TMEM170B: variants seen among roughly 807,000 people sequenced by gnomAD.
TMEM170B encodes the protein transmembrane protein 170B.
In TMEM170B, 6 loss-of-function variants were observed where a neutral mutation model predicts 13.0. That is an observed-to-expected ratio of 0.46 (90% CI 0.25 to 0.91). TMEM170B has a LOEUF of 0.91. TMEM170B is among the 40% of genes least tolerant of loss of function. The pLI is 0.17. For missense variants in TMEM170B, 138 were observed against 165.2 expected (o/e 0.84, Z 0.90); for synonymous variants, 61 against 64.9 (o/e 0.94, Z 0.29).
chr6:11,552,638 G>T (rs1321284182), intron 1 of TMEM170B, among the ~76,000 whole-genome samples: 1 of 152,184 alleles, frequency 6.6e-6, no homozygotes, highest in East Asian at 1.9e-4. Context: ...ATATTCAGCA[G>T]GTTTGGGGGA....
intron 1 of TMEM170B, 25 bp downstream of exon 1, chr6:11,538,399 A>T (rs771885207): frequency 2.7e-6 from 4 of 1,473,434 alleles, no homozygotes; most frequent in Non-Finnish European, 3.6e-6. Context: ...TGGGCTGGGG[A>T]CGGGGATGCG....
rs1443020956 is a variant in TMEM170B, at chr6:11,577,081, A to G, written c.*1520A>G. 2 of 152,068 alleles carry G rather than the reference A, an allele frequency of 1.3e-5. No homozygotes were observed. The highest frequency in any genetic ancestry group is 2.1e-4 in the South Asian group (1 of 4,830). The allele number at this position is 152,068 out of a possible 1,614,324, so 9.4% of individuals were successfully genotyped here. On this transcript the variant is annotated 3_prime_UTR_variant, in exon 3 of 3. Transcript: ENST00000379426. ...CCTGGTAGCCTTGCTGTTTAATCCAATTTGCTATAAAAGTAGGCCTTTGTT... is the reference window on the plus strand; with the variant it reads ...CCTGGTAGCCTTGCTGTTTAATCCAGTTTGCTATAAAAGTAGGCCTTTGTT...
At chr6:11,574,248 T>G (rs1426109460) in intron 2 of TMEM170B, among the ~76,000 whole-genome samples, 1 of 152,182 alleles carries the variant, frequency 6.6e-6, no homozygotes, top group African/African-American at 2.4e-5. Context: ...ATACATAGTA[T>G]ATGGTAAGTA....
rs1176263460 is a variant in TMEM170B, at chr6:11,583,370, C to G, written c.*7809C>G. 1 of 152,176 alleles carries G rather than the reference C, an allele frequency of 6.6e-6. No homozygotes were observed. The highest frequency in any genetic ancestry group is 1.5e-5 in the Non-Finnish European group (1 of 68,040). The allele number at this position is 152,176 out of a possible 1,614,324, so 9.4% of individuals were successfully genotyped here. ...ATACAGGGTGAACTCTTTACTGATA[C>G]ACACAAGACAACTGTTAAAAAGTGA... On this transcript the variant is annotated 3_prime_UTR_variant, in exon 3 of 3. Transcript: ENST00000379426.
intron 1 of TMEM170B, among the ~76,000 whole-genome samples, chr6:11,540,889 T>G (rs1161178569): frequency 6.6e-6 from 1 of 152,232 alleles, no homozygotes; most frequent in Non-Finnish European, 1.5e-5. Context: ...GAAAACAACA[T>G]TGATCTACTT....
chr6:11,543,812 T>C (rs77321513), intron 1 of TMEM170B, among the ~76,000 whole-genome samples: 7,713 of 152,228 alleles, frequency 0.051, 271 homozygotes, highest in African/African-American at 0.095. Context: ...TTTTTTCCCA[T>C]GTACAAAGAG....
intron 2 of TMEM170B, among the ~76,000 whole-genome samples, chr6:11,569,367 C>T (rs12199315): frequency 0.042 from 6,413 of 152,176 alleles, 179 homozygotes; most frequent in East Asian, 0.16. Flanking sequence ...AGAAGTTATC[C>T]TCCATTCCAT....
Position 11,575,492 on chromosome 6 carries a change from G to A in TMEM170B, c.330G>A (p.Leu110=), listed in dbSNP as rs1561690447. Residue 110 remains leucine (L), a synonymous_variant, in exon 3 of 3, where the codon CTG becomes CTA. Coordinates refer to ENST00000379426, the MANE Select transcript of TMEM170B (RefSeq NM_001100829.3). This position sits in a 1 kb window ranked among gnomAD's most constrained non-coding sequence, Gnocchi z 4.1. Reference sequence around the variant, plus strand: ...AGAACATGGCCCCTTTGGAAGCGCTGGTATGGGGCGTTGGACAGACTGTAC... The same window carrying A: ...AGAACATGGCCCCTTTGGAAGCGCTAGTATGGGGCGTTGGACAGACTGTAC... The part of the protein sequence containing the change: ...AGKNMAPLEA[L]VWGVGQTVLT... The A allele has an allele frequency of 1.2e-6, 2 of 1,613,424 alleles. No homozygotes were observed. The highest frequency in any genetic ancestry group is 1.7e-6 in the Non-Finnish European group (2 of 1,179,574).
At chr6:11,552,505 GC>G (rs1248952039) in intron 1 of TMEM170B, among the ~76,000 whole-genome samples, 1 of 152,180 alleles carries the variant, frequency 6.6e-6, no homozygotes, top group Non-Finnish European at 1.5e-5. Context: ...ATATCAATTT[GC>G]AAACCAGGAA....
chr6:11,555,176 T>C (rs559100767), intron 1 of TMEM170B, among the ~76,000 whole-genome samples: 1 of 152,278 alleles, frequency 6.6e-6, no homozygotes, highest in East Asian at 1.9e-4. Context: ...CTTTATAGTT[T>C]TTTTTTCCCC....
At chr6:11,549,289 GTTAA>G (rs1759485378) in intron 1 of TMEM170B, among the ~76,000 whole-genome samples, 1 of 151,436 alleles carries the variant, frequency 6.6e-6, no homozygotes, top group East Asian at 1.9e-4. Context: ...GGTGTGATAG[GTTAA>G]TTTTTTATTT....
In TMEM170B at chr6:11,561,380, T is replaced by C. The variant is rs537564163; in HGVS notation, c.98-4286T>C. Among the ~76,000 whole-genome samples the C allele has an allele frequency of 3.3e-5, 5 of 152,222 alleles. No individual in the cohort carries two copies. In the East Asian group the frequency reaches 9.7e-4, roughly 29 times the overall value. On this transcript the variant is annotated intron_variant, in intron 1 of 2. Coordinates refer to ENST00000379426, the MANE Select transcript of TMEM170B (RefSeq NM_001100829.3). The stretch of plus-strand genomic sequence containing the variant: ...GGGTGTTCACTTTAGCATAGACAGT[T>C]TAAGAAAAGGCTGTGATATTCCACT...
chr6:11,542,749 T>C (rs532036533), intron 1 of TMEM170B, among the ~76,000 whole-genome samples: 1 of 152,208 alleles, frequency 6.6e-6, no homozygotes, highest in African/African-American at 2.4e-5. Context: ...TCTTAATCAT[T>C]AGTTAACAGA....
chr6:11,565,994 T>G (rs373555100), intron 2 of TMEM170B, among the ~76,000 whole-genome samples, 158 bp downstream of exon 2: 2 of 152,338 alleles, frequency 1.3e-5, no homozygotes. Context: ...ATGAGCTGAT[T>G]TATTCATTGA....
intron 2 of TMEM170B, among the ~76,000 whole-genome samples, chr6:11,572,528 T>C (rs1452287004): frequency 6.6e-6 from 1 of 152,188 alleles, no homozygotes. Flanking sequence ...ATCCTGACAT[T>C]TAAGATGAAA....
chr6:11,558,833 C>A (rs1759622818), intron 1 of TMEM170B, among the ~76,000 whole-genome samples: 1 of 152,160 alleles, frequency 6.6e-6, no homozygotes, highest in South Asian at 2.1e-4. Flanking sequence ...TAATTGAACA[C>A]TCAAAGTGCC....
chr6:11,575,350 A>T lies in TMEM170B; in HGVS notation c.269-81A>T. The T allele has an allele frequency of 6.6e-7, 1 of 1,505,846 alleles. No individual in the cohort carries two copies. The allele number at this position is 1,505,846 out of a possible 1,614,324, so 93.3% of individuals were successfully genotyped here. A position where few individuals can be genotyped will look rare whatever the true frequency, so the allele number is the denominator to read the frequency against. ...GATGACTTATGTTTTGATGAAATGA[A>T]AAGAGCTCTTAAGGTGCAGCATGCA... On this transcript the variant is annotated intron_variant, in intron 2 of 2. Transcript: ENST00000379426. The surrounding 1 kb of genome is among the most constrained non-coding windows in gnomAD (Gnocchi z 4.1).
At chr6:11,546,742 A>G (rs1235389318) in intron 1 of TMEM170B, among the ~76,000 whole-genome samples, 1 of 152,232 alleles carries the variant, frequency 6.6e-6, no homozygotes, top group African/African-American at 2.4e-5. Flanking sequence ...GCTATACCAT[A>G]TAGCCTAAAT....
intron 1 of TMEM170B, among the ~76,000 whole-genome samples, chr6:11,541,115 C>T (rs558428289): frequency 9.2e-5 from 14 of 152,120 alleles, no homozygotes; most frequent in African/African-American, 3.1e-4. Context: ...TTCTCAAGGG[C>T]GCCAGAATGG....
Sources: allele counts gnomAD v4.1 joint callset (sites outside exome capture counted in the v4.1 genomes callset), GRCh38; gene constraint gnomAD v4.1.1; non-coding constraint Gnocchi (gnomAD v3.1); transcripts MANE v1.5; gene names NCBI Gene and HGNC (gene_info 2026-07-23, HGNC 2026-07-21).